RFX8: variants seen among roughly 807,000 people sequenced by gnomAD.
RFX8 encodes DNA-binding protein RFX8.
A neutral mutation model predicts 54.6 loss-of-function variants in RFX8; 46 were observed. The ratio of observed to expected loss-of-function variants is 0.84; its 90% CI spans 0.67 to 1.08. The LOEUF (loss-of-function observed/expected upper bound fraction) is 1.08. RFX8 is among the 50% of genes least tolerant of loss of function. The pLI is 0.00. For synonymous variants in RFX8, 192 were observed against 209.5 expected, an observed-to-expected ratio of 0.92 and a Z score of 0.72; for missense variants, 536 against 562.3, an observed-to-expected ratio of 0.95 and a Z score of 0.47.
intron 2 of RFX8, among the ~76,000 whole-genome samples, chr2:101,433,116 G>C (rs1029962531): frequency 1.3e-5 from 2 of 152,174 alleles, no homozygotes; most frequent in African/African-American, 2.4e-5. Flanking sequence ...CAGTGGAACC[G>C]GCCTCCTTGT....
At chr2:101,459,649 T>C (rs760708209) in intron 2 of RFX8, among the ~76,000 whole-genome samples, 33 of 152,166 alleles carry the variant, frequency 2.2e-4, no homozygotes, top group African/African-American at 7.2e-4. Flanking sequence ...GTCTGTTGGA[T>C]GCAACTGGGA....
intron 2 of RFX8, among the ~76,000 whole-genome samples, chr2:101,441,715 C>T (rs891673462): frequency 6.6e-6 from 1 of 152,166 alleles, no homozygotes; most frequent in African/African-American, 2.4e-5. Context: ...CATAGCCACT[C>T]CTGCTATCTG....
chr2:101,468,087 A>T (rs552969435), intron 1 of RFX8, among the ~76,000 whole-genome samples: 25 of 152,242 alleles, frequency 1.6e-4, no homozygotes, highest in Admixed American at 3.9e-4. Flanking sequence ...TAAAGGACAT[A>T]GTCACAATTG....
intron 2 of RFX8, among the ~76,000 whole-genome samples, chr2:101,459,707 G>A (rs1365765814): frequency 6.6e-6 from 1 of 152,168 alleles, no homozygotes; most frequent in Non-Finnish European, 1.5e-5. Context: ...CACTTAAGGA[G>A]GCAGTCTGTC....
At chr2:101,404,362 G>A (rs140327205) in intron 10 of RFX8, among the ~76,000 whole-genome samples, 97 of 152,300 alleles carry the variant, frequency 6.4e-4, no homozygotes, top group African/African-American at 2.3e-3. Flanking sequence ...CAAACTACTG[G>A]TGTGAATACA....
intron 1 of RFX8, among the ~76,000 whole-genome samples, chr2:101,471,914 G>A (rs1690017967): frequency 6.6e-6 from 1 of 152,216 alleles, no homozygotes; most frequent in South Asian, 2.1e-4. Context: ...CAGGGCAACA[G>A]TTGGGCCCCT....
At chr2:101,420,395 T>G (rs978103012) in intron 4 of RFX8, among the ~76,000 whole-genome samples, 1 of 151,852 alleles carries the variant, frequency 6.6e-6, no homozygotes, top group African/African-American at 2.4e-5. Context: ...ATACAAAAAA[T>G]TAGCCGGGCA....
intron 2 of RFX8, 46 bp downstream of exon 2, chr2:101,466,731 T>A: frequency 7.4e-7 from 1 of 1,353,336 alleles, no homozygotes; most frequent in South Asian, 1.2e-5. Context: ...TTGCTTCCCT[T>A]TTTTGCACTC....
intron 2 of RFX8, among the ~76,000 whole-genome samples, chr2:101,463,393 G>A (rs907553951): frequency 6.6e-6 from 1 of 152,332 alleles, no homozygotes; most frequent in African/African-American, 2.4e-5. Flanking sequence ...CTCCTGGTGG[G>A]CAGTGAGGGC....
At chr2:101,452,724 G>A (rs995714798) in intron 2 of RFX8, among the ~76,000 whole-genome samples, 1 of 152,174 alleles carries the variant, frequency 6.6e-6, no homozygotes, top group East Asian at 1.9e-4. Flanking sequence ...CACTTTGGGA[G>A]GCTGAGGCAG....
chr2:101,438,796 G>T (rs189059552), intron 2 of RFX8, among the ~76,000 whole-genome samples: 1 of 152,208 alleles, frequency 6.6e-6, no homozygotes, highest in Admixed American at 6.5e-5. Context: ...ACATCTCATT[G>T]TGGTTTTATG....
chr2:101,423,340 C>T (rs1686979272), intron 2 of RFX8, among the ~76,000 whole-genome samples: 1 of 151,940 alleles, frequency 6.6e-6, no homozygotes, highest in Non-Finnish European at 1.5e-5. Context: ...TGCGACATTC[C>T]TCCCTGCCTC....
intron 2 of RFX8, among the ~76,000 whole-genome samples, chr2:101,427,932 A>G (rs1213504476): frequency 6.6e-6 from 1 of 152,226 alleles, no homozygotes; most frequent in African/African-American, 2.4e-5. Flanking sequence ...GACACTTGTC[A>G]ACAAGACAGT....
At chr2:101,429,029 A>C in intron 2 of RFX8, 1 of 1,510,424 alleles carries the variant, frequency 6.6e-7, no homozygotes. Context: ...ACTGTGAAGG[A>C]ACAGAAAACA....
intron 2 of RFX8, among the ~76,000 whole-genome samples, chr2:101,457,694 G>C (rs554188352): frequency 6.6e-6 from 1 of 152,322 alleles, no homozygotes; most frequent in South Asian, 2.1e-4. Context: ...GTTGATTTGG[G>C]CTGGAGAGTT....
In RFX8 at chr2:101,448,003, A is replaced by G. The variant is rs139487924; in HGVS notation, c.72+18774T>C. Among the ~76,000 whole-genome samples, 1,138 of 152,350 alleles carry G rather than the reference A, an allele frequency of 7.5e-3. 16 individuals are homozygous for G. The highest frequency in any genetic ancestry group is 0.035 in the Admixed American group (541 of 15,306). On this transcript the variant is annotated intron_variant, in intron 2 of 11. Transcript: ENST00000428343. ...ACAGAGATGAACACTGTGCCCTCAC[A>G]TGGCAGAAGAGACGAAAGGGCCAGC...
chr2:101,469,056 GTATATATATGTATATATATATAAGT>G (rs1689775121), intron 1 of RFX8, among the ~76,000 whole-genome samples: 1 of 10,622 alleles, frequency 9.4e-5, no homozygotes, highest in Non-Finnish European at 2.4e-4. Flanking sequence ...ATATATATAC[GTATATATATGTATATATATATAAGT>G]GTATATATAT....
chr2:101,427,773 G>A (rs935490056), intron 2 of RFX8, among the ~76,000 whole-genome samples: 5 of 152,120 alleles, frequency 3.3e-5, no homozygotes, highest in African/African-American at 1.2e-4. Flanking sequence ...GGTACCCATT[G>A]TTCCACGTCT....
At chr2:101,410,972 C>A (rs1348985858) in intron 8 of RFX8, among the ~76,000 whole-genome samples, 1 of 152,202 alleles carries the variant, frequency 6.6e-6, no homozygotes, top group Non-Finnish European at 1.5e-5. Context: ...TATTTTGAAA[C>A]CATAACTACA....
Sources: gnomAD v4.1 joint callset for allele counts (sites outside exome capture counted in the v4.1 genomes callset) on GRCh38, gnomAD v4.1.1 for gene constraint, MANE v1.5 for transcripts, NCBI Gene and HGNC (gene_info 2026-07-23, HGNC 2026-07-21) for gene names.